RIMS2: variants seen among roughly 807,000 people sequenced by gnomAD.
The protein encoded by RIMS2 is regulating synaptic membrane exocytosis protein 2.
A neutral mutation model predicts 174.4 loss-of-function variants in RIMS2; 59 were observed. That is an observed-to-expected ratio of 0.34 (90% CI 0.27 to 0.42). The LOEUF (loss-of-function observed/expected upper bound fraction) is 0.42, where lower values mean the gene tolerates loss of function less well. Ranked by LOEUF, RIMS2 falls within the 10% of genes least tolerant of loss-of-function variation. The pLI, the probability that RIMS2 is intolerant of heterozygous loss-of-function variation, is 1.00. For synonymous variants in RIMS2, 606 were observed against 572.5 expected, an observed-to-expected ratio of 1.06 and a Z score of -0.84; for missense variants, 1,620 against 1,666.3, an observed-to-expected ratio of 0.97 and a Z score of 0.48.
chr8:103,572,835 C>A (rs1455836021), intron 1 of RIMS2, among the ~76,000 whole-genome samples: 1 of 152,044 alleles, frequency 6.6e-6, no homozygotes, highest in African/African-American at 2.4e-5. Context: ...CAAATATTTT[C>A]TCCCATACTG....
intron 3 of RIMS2, among the ~76,000 whole-genome samples, chr8:103,834,672 G>GTCTTTT (rs2098847622): frequency 8.4e-6 from 1 of 118,862 alleles, no homozygotes; most frequent in Non-Finnish European, 1.9e-5. Flanking sequence ...AGCCTCTGAG[G>GTCTTTT]TCTTTTTCTT....
chr8:104,091,582 G>A (rs1394494666), intron 19 of RIMS2, among the ~76,000 whole-genome samples: 1 of 149,986 alleles, frequency 6.7e-6, no homozygotes, highest in Non-Finnish European at 1.5e-5. Flanking sequence ...TAAATTTTGT[G>A]AAAATATGTA....
At chr8:103,725,846 C>G (rs1488062426) in intron 2 of RIMS2, among the ~76,000 whole-genome samples, 1 of 152,126 alleles carries the variant, frequency 6.6e-6, no homozygotes, top group Non-Finnish European at 1.5e-5. Context: ...TCTGGTTGCT[C>G]CATAACCTCA....
At chr8:104,249,212 CA>C (rs2099351140) in intron 21 of RIMS2, among the ~76,000 whole-genome samples, 1 of 151,974 alleles carries the variant, frequency 6.6e-6, no homozygotes, top group Non-Finnish European at 1.5e-5. Flanking sequence ...GGATTACAGG[CA>C]TGAGCCACTG....
Position 104,102,655 on chromosome 8 carries a change from G to T in RIMS2, c.3334+88040G>T, listed in dbSNP as rs1053799150. ...TGCCTGGGGAGGCCTCACAATCATG[G>T]AGGAAGTTCAGTGAAGGAGGAGAAA... is the stretch of plus-strand genomic sequence containing the variant. On this transcript the variant is annotated intron_variant, in intron 19 of 23. Coordinates refer to ENST00000504942, the Ensembl canonical transcript of RIMS2. 2.0e-5 allele frequency among the ~76,000 whole-genome samples: 3 copies of T among 152,200 alleles called. 1 individual carries two copies. The highest frequency in any genetic ancestry group is 4.4e-5 in the Non-Finnish European group (3 of 68,044).
At chr8:103,899,547 TTTGCCCAC>T in intron 4 of RIMS2, among the ~76,000 whole-genome samples, 1 of 151,792 alleles carries the variant, frequency 6.6e-6, no homozygotes, top group Middle Eastern at 3.2e-3. Context: ...TTTCATATCC[TTTGCCCAC>T]TTGTTGATGG....
intron 13 of RIMS2, among the ~76,000 whole-genome samples, chr8:103,938,769 G>A (rs1208434444): frequency 1.3e-5 from 2 of 152,134 alleles, no homozygotes; most frequent in African/African-American, 2.4e-5. Context: ...ATACAATGGG[G>A]GTACACGCAT....
intron 2 of RIMS2, among the ~76,000 whole-genome samples, 182 bp downstream of exon 5, chr8:103,716,502 A>G (rs985856467): frequency 2.6e-5 from 4 of 152,058 alleles, no homozygotes; most frequent in African/African-American, 9.7e-5. Context: ...AAAAACTTAC[A>G]TTAAATTATT....
chr8:103,568,828 C>T, intron 1 of RIMS2: 1 of 1,146,114 alleles, frequency 8.7e-7, no homozygotes, highest in Admixed American at 1.7e-5. Context: ...TGAGCATATT[C>T]TTCTGTAGGG....
At chr8:103,557,748 C>T (rs2090762892) in intron 1 of RIMS2, among the ~76,000 whole-genome samples, 1 of 152,092 alleles carries the variant, frequency 6.6e-6, no homozygotes. Flanking sequence ...ATTATAACTC[C>T]TTGATTTATA....
chr8:104,174,536 CAGG>C (rs1159185771), intron 19 of RIMS2, among the ~76,000 whole-genome samples: 1 of 152,088 alleles, frequency 6.6e-6, no homozygotes, highest in Non-Finnish European at 1.5e-5. Flanking sequence ...ACAGGAGAAG[CAGG>C]AGAAGTGATA....
intron 1 of RIMS2, among the ~76,000 whole-genome samples, chr8:103,555,697 C>T (rs2131765432): frequency 6.6e-6 from 1 of 150,652 alleles, no homozygotes; most frequent in South Asian, 2.1e-4. Context: ...TTTGGGAGGC[C>T]AAGGTGGGAG....
chr8:103,729,552 A>T (rs148444494), intron 2 of RIMS2, among the ~76,000 whole-genome samples: 1 of 150,168 alleles, frequency 6.7e-6, no homozygotes, highest in East Asian at 2.0e-4. Context: ...GTATTTTTTC[A>T]TTTTATTTTC....
intron 1 of RIMS2, among the ~76,000 whole-genome samples, chr8:103,643,046 A>T (rs954188918): frequency 2.6e-5 from 4 of 151,736 alleles, no homozygotes; most frequent in African/African-American, 9.7e-5. Context: ...CACATACTTT[A>T]TAGTTTTTAT....
chr8:103,589,233 G>GA (rs1022446913), intron 1 of RIMS2, among the ~76,000 whole-genome samples: 3 of 151,478 alleles, frequency 2.0e-5, no homozygotes, highest in East Asian at 1.9e-4. Context: ...ATAACTGTAG[G>GA]AAAAAATCTA....
chr8:103,690,824 A>G (rs968415500), intron 1 of RIMS2, among the ~76,000 whole-genome samples: 46 of 152,074 alleles, frequency 3.0e-4, no homozygotes, highest in Admixed American at 2.9e-3. Context: ...GTGATTTCCT[A>G]TTGCTCATTA....
chr8:103,797,048 G>A (rs1040208491), intron 3 of RIMS2, among the ~76,000 whole-genome samples: 3 of 152,146 alleles, frequency 2.0e-5, no homozygotes, highest in African/African-American at 7.2e-5. Flanking sequence ...TTAAGATTTA[G>A]TTAAGACTTA....
intron 1 of RIMS2, among the ~76,000 whole-genome samples, chr8:103,676,998 T>G: frequency 6.6e-6 from 1 of 152,142 alleles, no homozygotes; most frequent in East Asian, 1.9e-4. Context: ...AAATAAAATA[T>G]ACTTTTTAAA....
intron 3 of RIMS2, among the ~76,000 whole-genome samples, chr8:103,796,229 TA>T (rs1254050849): frequency 6.6e-6 from 1 of 152,014 alleles, no homozygotes; most frequent in Non-Finnish European, 1.5e-5. Flanking sequence ...ATTAAATTGC[TA>T]ACTTTTGATG....
Sources: gnomAD v4.1 joint callset for allele counts (sites outside exome capture counted in the v4.1 genomes callset) on GRCh38, gnomAD v4.1.1 for gene constraint, MANE v1.5 for transcripts, NCBI Gene and HGNC (gene_info 2026-07-23, HGNC 2026-07-21) for gene names.